SIK3: variants seen among roughly 807,000 people sequenced by gnomAD.
SIK3 encodes serine/threonine-protein kinase SIK3.
SIK3 carries 28 observed loss-of-function variants against 144.2 expected under a neutral mutation model. The ratio of observed to expected loss-of-function variants is 0.19; its 90% CI spans 0.14 to 0.27. The LOEUF is 0.27. Ranked by LOEUF, SIK3 falls within the 10% of genes least tolerant of loss-of-function variation. The pLI, the probability that SIK3 is intolerant of heterozygous loss-of-function variation, is 1.00. For missense variants in SIK3, 1,319 were observed against 1,776.0 expected, an observed-to-expected ratio of 0.74 and a Z score of 4.62; for synonymous variants, 686 against 676.3, an observed-to-expected ratio of 1.01 and a Z score of -0.22.
At chr11:117,040,681 T>C (rs1591593195) in intron 1 of SIK3, among the ~76,000 whole-genome samples, 1 of 152,098 alleles carries the variant, frequency 6.6e-6, no homozygotes, top group African/African-American at 2.4e-5. Flanking sequence ...GAATAGTAAA[T>C]TGAGCTCAAG....
chr11:116,873,554 G>C lies in SIK3; in HGVS notation c.1664C>G (p.Ala555Gly). Reference protein sequence around the residue: ...PLGRRASDGGANIQLHAQQLL... With the variant: ...PLGRRASDGGGNIQLHAQQLL... ...CTGCTGGGCATGCAGTTGGATGTTG[G>C]CTCCTCCATCTGATGCCCTCCGGCC... The change falls in exon 13 of 25, where the codon GCC (alanine) becomes GGC (glycine). Residue 555 changes from alanine (A) to glycine (G), a missense_variant. Around this residue, in one of 8 missense-constraint regions of SIK3, gnomAD observed 167 missense variants for 263.3 expected, o/e 0.63. Transcript: ENST00000445177. The C allele has an allele frequency of 6.2e-7, 1 of 1,612,744 alleles. No individual in the cohort carries two copies. Among genetic ancestry groups the C allele is most frequent in the African/African-American group, 1.3e-5 (1 of 74,944 alleles).
chr11:117,086,614 C>T (rs1955020138), intron 1 of SIK3, among the ~76,000 whole-genome samples: 1 of 151,892 alleles, frequency 6.6e-6, no homozygotes, highest in Non-Finnish European at 1.5e-5. Flanking sequence ...TCTCTTGAAC[C>T]CAGGAGGCAG....
chr11:117,039,667 A>C (rs1407800654), intron 1 of SIK3, among the ~76,000 whole-genome samples: 1 of 152,220 alleles, frequency 6.6e-6, no homozygotes, highest in East Asian at 1.9e-4. Flanking sequence ...ATGTTAAGTA[A>C]AACCTATTGT....
At position 116,867,708 on chromosome 11, in the gene SIK3, G is replaced by T. The variant is rs1591418119; in HGVS notation, c.1952+238C>A. ...TCTAGAATCATGGGAATCAAATGCA[G>T]ACAATAAACAGGTCTGCAAGGTAAT... On this transcript the variant is annotated intron_variant, in intron 15 of 24. Transcript: ENST00000445177. The surrounding 1 kb of genome is among the most constrained non-coding windows in gnomAD (Gnocchi z 4.1). The T allele has an allele frequency of 2.6e-5, 10 of 381,654 alleles. 2 individuals are homozygous for T. In the Admixed American group the frequency reaches 4.2e-4, roughly 16 times the overall value. 23.6% of individuals were successfully genotyped at this position (381,654 alleles called of 1,614,324 possible).
intron 4 of SIK3, among the ~76,000 whole-genome samples, chr11:116,899,592 T>C (rs899320975): frequency 7.9e-5 from 12 of 152,234 alleles, no homozygotes; most frequent in African/African-American, 2.7e-4. Context: ...TACATTTTAA[T>C]TTTAACTCTC....
At chr11:116,961,679 T>C (rs1179111714) in intron 1 of SIK3, among the ~76,000 whole-genome samples, 1 of 152,158 alleles carries the variant, frequency 6.6e-6, no homozygotes, top group Non-Finnish European at 1.5e-5. Flanking sequence ...CAAGAGACCA[T>C]ATATTTCCTA....
Position 116,903,937 on chromosome 11 carries a change from T to C in SIK3, c.617-6620A>G, listed in dbSNP as rs568385120. Among the ~76,000 whole-genome samples the C allele has an allele frequency of 3.9e-5, 6 of 152,298 alleles. No individual in the cohort carries two copies. The East Asian group carries it at 7.7e-4, about 20-fold the overall frequency. ...ATCTGAACTTGAACCTAGAAAACCA[T>C]TTCTATTTAATAGGCTTTTTCATCT... On this transcript the variant is annotated intron_variant, in intron 4 of 24. Coordinates refer to ENST00000445177, the MANE Select transcript of SIK3 (RefSeq NM_001366686.3).
intron 1 of SIK3, among the ~76,000 whole-genome samples, chr11:117,097,341 C>T (rs1955519487): frequency 6.6e-6 from 1 of 151,928 alleles, no homozygotes; most frequent in African/African-American, 2.4e-5. Context: ...CCACAATTCC[C>T]GACCCTCCAA....
intron 21 of SIK3, among the ~76,000 whole-genome samples, chr11:116,855,040 C>T (rs189656583): frequency 3.7e-4 from 51 of 138,998 alleles, no homozygotes; most frequent in Admixed American, 1.4e-3. Flanking sequence ...GAGCCGAGAT[C>T]GTGCCACTGC....
intron 3 of SIK3, among the ~76,000 whole-genome samples, chr11:116,951,250 G>C (rs973589625): frequency 1.3e-5 from 2 of 152,094 alleles, no homozygotes; most frequent in African/African-American, 4.8e-5. Context: ...TCTTGACTAA[G>C]CCCCTTTCAT....
At chr11:116,890,894 G>A (rs1945065167) in intron 6 of SIK3, among the ~76,000 whole-genome samples, 1 of 152,002 alleles carries the variant, frequency 6.6e-6, no homozygotes, top group Admixed American at 6.6e-5. Context: ...AGGTTATAAA[G>A]GTATTTCTAT....
rs2134256417 is a variant in SIK3 at position 116,845,599 on chromosome 11, A to T, written c.*44T>A. ...TGCTAGATACTGTGGGTTTACAATC[A>T]ACCTTTTCATTCCCAAGCTGTACAC... On this transcript the variant is annotated 3_prime_UTR_variant, in exon 25 of 25. Coordinates refer to ENST00000445177, the MANE Select transcript of SIK3 (RefSeq NM_001366686.3). The T allele has an allele frequency of 6.6e-6, 1 of 152,398 alleles. No homozygotes were observed. The highest frequency in any genetic ancestry group is 1.9e-4 in the East Asian group (1 of 5,194). 9.4% of individuals were successfully genotyped at this position (152,398 alleles called of 1,614,324 possible).
chr11:116,948,006 C>A (rs1220959617), intron 3 of SIK3, among the ~76,000 whole-genome samples: 1 of 150,796 alleles, frequency 6.6e-6, no homozygotes, highest in East Asian at 1.9e-4. Flanking sequence ...GCAATCATAG[C>A]TCACTGCAAC....
intron 1 of SIK3, among the ~76,000 whole-genome samples, chr11:116,994,027 T>A (rs1302628791): frequency 6.6e-6 from 1 of 152,218 alleles, no homozygotes; most frequent in Non-Finnish European, 1.5e-5. Context: ...AAACAGTATA[T>A]TTAAACAAGT....
chr11:116,912,688 A>G (rs1946412577), intron 4 of SIK3, among the ~76,000 whole-genome samples: 1 of 152,218 alleles, frequency 6.6e-6, no homozygotes, highest in African/African-American at 2.4e-5. Context: ...TACTTACCCT[A>G]AATGAACAAC....
intron 5 of SIK3, 141 bp downstream of exon 5, chr11:116,897,043 AAAGGCTTTG>A: frequency 1.3e-6 from 1 of 748,318 alleles, no homozygotes; most frequent in Non-Finnish European, 2.0e-6. Flanking sequence ...AAAAAAAAAA[AAAGGCTTTG>A]CACAGGAATT....
rs1259439968 is a variant in SIK3 at position 117,098,212 on chromosome 11, G to T, written c.204C>A (p.Ile68=). 2 of 1,515,120 alleles carry T rather than the reference G, an allele frequency of 1.3e-6. No homozygotes were observed. The highest frequency in any genetic ancestry group is 1.9e-5 in the Admixed American group (1 of 53,268). 93.9% of individuals were successfully genotyped at this position (1,515,120 alleles called of 1,614,324 possible). The change falls in exon 1 of 25, where the codon ATC becomes ATA. Residue 68 remains isoleucine, a synonymous_variant. Transcript: ENST00000445177. The part of the protein sequence containing the change: ...PMPARIGYYE[I]DRTIGKGNFA... ...AGTTGCCCTTGCCGATGGTGCGGTC[G>T]ATCTCGTAGTAGCCGATACGGGCGG... is the stretch of plus-strand genomic sequence containing the variant.
intron 1 of SIK3, 60 bp downstream of exon 1, chr11:117,098,083 G>A: frequency 1.6e-6 from 2 of 1,274,292 alleles, no homozygotes; most frequent in South Asian, 2.0e-5. Context: ...CCGGCTGGGG[G>A]GCGCGGACCT....
At chr11:117,032,838 T>C (rs931812784) in intron 1 of SIK3, among the ~76,000 whole-genome samples, 1 of 152,150 alleles carries the variant, frequency 6.6e-6, no homozygotes, top group Admixed American at 6.5e-5. Context: ...CCAAAATGCT[T>C]TTTTCAAACA....
Sources: allele counts gnomAD v4.1 joint callset (sites outside exome capture counted in the v4.1 genomes callset), GRCh38; gene constraint gnomAD v4.1.1; regional missense constraint gnomAD v4.1.1; non-coding constraint Gnocchi (gnomAD v3.1); transcripts MANE v1.5; gene names NCBI Gene and HGNC (gene_info 2026-07-23, HGNC 2026-07-21).